The following DRC11L variants were observed in gnomAD, a reference collection of about 807,000 sequenced individuals.
DRC11L encodes dynein regulatory complex subunit 11 like, also known as dynein regulatory complex subunit like-11.
At chr7:151,203,484 A>T in the DRC11L span, 1 of 399,048 alleles carries the variant, frequency 2.5e-6, no homozygotes. Flanking sequence ...TCCAGCAGGA[A>T]GTATTTGGGG....
At chr7:151,192,198 C>G in the DRC11L span, 1 of 398,278 alleles carries the variant, frequency 2.5e-6, no homozygotes, top group Non-Finnish European at 4.4e-6. Flanking sequence ...GGTGAGGGCT[C>G]GCAGCAGCAA....
chr7:151,199,010 G>C, the DRC11L span: 1 of 399,110 alleles, frequency 2.5e-6, no homozygotes, highest in Non-Finnish European at 4.4e-6. The surrounding 1 kb of genome is among the most constrained non-coding windows in gnomAD (Gnocchi z 5.2). Flanking sequence ...GGAGCTGGGG[G>C]AGTGGAAGAG....
At chr7:151,197,341 C>T in the DRC11L span, 1 of 399,082 alleles carries the variant, frequency 2.5e-6, no homozygotes, top group Non-Finnish European at 4.4e-6. Flanking sequence ...TGACCAATGA[C>T]CCAAGACATT....
the DRC11L span, chr7:151,194,745 C>G: frequency 2.5e-6 from 1 of 393,476 alleles, no homozygotes; most frequent in Non-Finnish European, 4.5e-6. Flanking sequence ...TGGTCAAAAA[C>G]ATCTACAGTG....
chr7:151,198,273 G>T, the DRC11L span, among the ~76,000 whole-genome samples: 8 of 151,876 alleles, frequency 5.3e-5, no homozygotes, highest in Non-Finnish European at 1.0e-4. Context: ...TGGGCAGATG[G>T]GCAGATGCAT....
At chr7:151,191,320 C>T in the DRC11L span, among the ~76,000 whole-genome samples, 1 of 152,142 alleles carries the variant, frequency 6.6e-6, no homozygotes, top group African/African-American at 2.4e-5. Flanking sequence ...TCCTGCATTC[C>T]CAAGGCCATC....
At chr7:151,196,112 G>A in the DRC11L span, 1 of 265,436 alleles carries the variant, frequency 3.8e-6, no homozygotes, top group East Asian at 6.5e-5. Context: ...GGGACACGTC[G>A]TCAGAGGGTT....
chr7:151,193,671 G>A, the DRC11L span, among the ~76,000 whole-genome samples: 1 of 152,196 alleles, frequency 6.6e-6, no homozygotes, highest in African/African-American at 2.4e-5. Context: ...GGAGCCGGGA[G>A]TGGCAGCAGG....
the DRC11L span, among the ~76,000 whole-genome samples, chr7:151,199,749 G>A: frequency 6.6e-6 from 1 of 152,222 alleles, no homozygotes; most frequent in Admixed American, 6.5e-5. This position sits in a 1 kb window ranked among gnomAD's most constrained non-coding sequence, Gnocchi z 5.2. Context: ...TGGCAGCCAG[G>A]CCTCCAAAGG....
At chr7:151,191,585 G>C in the DRC11L span, 34 of 398,872 alleles carry the variant, frequency 8.5e-5, no homozygotes, top group Non-Finnish European at 1.1e-4. Context: ...GCTTCAGGGG[G>C]CTGACTCCCC....
chr7:151,193,963 C>T, the DRC11L span, among the ~76,000 whole-genome samples: 1 of 151,710 alleles, frequency 6.6e-6, no homozygotes, highest in East Asian at 1.9e-4. Flanking sequence ...CTCTTCAGCT[C>T]AGGGGGTATA....
chr7:151,195,249 A>G, the DRC11L span, among the ~76,000 whole-genome samples: 7 of 152,078 alleles, frequency 4.6e-5, no homozygotes, highest in Non-Finnish European at 1.0e-4. Context: ...CTTGATCCCC[A>G]CGGCTATCAC....
At chr7:151,198,843 T>C in the DRC11L span, 8 of 398,992 alleles carry the variant, frequency 2.0e-5, no homozygotes, top group Admixed American at 1.3e-4. Flanking sequence ...CATTTTCTCC[T>C]TCATGTCAGG....
At chr7:151,196,606 C>T in the DRC11L span, 1 of 399,610 alleles carries the variant, frequency 2.5e-6, no homozygotes, top group Non-Finnish European at 4.4e-6. Flanking sequence ...CGGGTGCATA[C>T]ACACATGCAT....
chr7:151,201,185 G>C, the DRC11L span, among the ~76,000 whole-genome samples: 12 of 152,346 alleles, frequency 7.9e-5, no homozygotes, highest in South Asian at 2.1e-4. The surrounding 1 kb of genome is among the most constrained non-coding windows in gnomAD (Gnocchi z 4.1). Context: ...CTGCCTCCTG[G>C]CACCTCCAGG....
chr7:151,203,436 C>G, the DRC11L span: 1 of 399,136 alleles, frequency 2.5e-6, no homozygotes, highest in East Asian at 3.6e-5. Flanking sequence ...AGGATCTCGG[C>G]CAGTATCAGC....
At chr7:151,202,594 G>A in the DRC11L span, among the ~76,000 whole-genome samples, 1 of 152,214 alleles carries the variant, frequency 6.6e-6, no homozygotes. Context: ...GCTCACGCCT[G>A]TAATCCCAGC....
the DRC11L span, among the ~76,000 whole-genome samples, chr7:151,201,338 A>C: frequency 1.3e-5 from 2 of 152,232 alleles, no homozygotes; most frequent in South Asian, 4.1e-4. This position sits in a 1 kb window ranked among gnomAD's most constrained non-coding sequence, Gnocchi z 4.1. Context: ...ACCAGCACGC[A>C]ATATTTCTGT....
At chr7:151,204,441 G>T in the DRC11L span, 5 of 311,596 alleles carry the variant, frequency 1.6e-5, no homozygotes, top group Non-Finnish European at 1.7e-5. Flanking sequence ...GGTCAAGGCC[G>T]GTCCCACCCC....
Sources: allele counts gnomAD v4.1 joint callset (sites outside exome capture counted in the v4.1 genomes callset), GRCh38; gene constraint gnomAD v4.1.1; non-coding constraint Gnocchi (gnomAD v3.1); transcripts MANE v1.5; gene names NCBI Gene and HGNC (gene_info 2026-07-23, HGNC 2026-07-21).